The following RFFL variants were observed in gnomAD, a reference collection of about 807,000 sequenced individuals.
The protein encoded by RFFL is ring finger and FYVE like domain containing E3 ubiquitin protein ligase, also known as E3 ubiquitin-protein ligase rififylin.
A neutral mutation model predicts 40.4 loss-of-function variants in RFFL; 16 were observed. The ratio of observed to expected loss-of-function variants is 0.40; its 90% CI spans 0.27 to 0.60. The LOEUF (loss-of-function observed/expected upper bound fraction) is 0.60, where lower values mean the gene tolerates loss of function less well. Among genes scored for constraint, RFFL ranks in the 20% least tolerant of loss-of-function variants. RFFL has a pLI of 0.47. For synonymous variants in RFFL, 154 were observed against 167.9 expected (o/e 0.92, Z 0.64); for missense variants, 367 against 451.7 (o/e 0.81, Z 1.70).
At chr17:35,045,423 G>A (rs1353341478) in intron 1 of RFFL, among the ~76,000 whole-genome samples, 3 of 151,482 alleles carry the variant, frequency 2.0e-5, no homozygotes, top group Non-Finnish European at 4.4e-5. Flanking sequence ...TAGTAGAGAT[G>A]GGGTTTTACT....
chr17:35,047,488 A>T (rs1485995642), intron 1 of RFFL, among the ~76,000 whole-genome samples: 1 of 152,240 alleles, frequency 6.6e-6, no homozygotes, highest in Non-Finnish European at 1.5e-5. Context: ...GTTCAACAGA[A>T]ATTGGCTGTA....
At chr17:35,053,049 T>A (rs188622138) in intron 1 of RFFL, among the ~76,000 whole-genome samples, 96 of 152,262 alleles carry the variant, frequency 6.3e-4, no homozygotes, top group Non-Finnish European at 1.3e-4. Context: ...GAGCCATGTC[T>A]AAATTGGATA....
In RFFL at chr17:35,069,450, GC is replaced by G. The variant is rs755217179; in HGVS notation, c.-9+19654del. On this transcript the variant is annotated intron_variant, in intron 1 of 6. Coordinates refer to the RFFL transcript ENST00000315249. ...AGAAATAAAAGGATACGACTGCACA[GC>G]TTGAATGTCCCATCAAGGTAATCAA... The G allele has an allele frequency of 1.0e-3, 393 of 391,814 alleles. 1 individual carries two copies. The highest frequency in any genetic ancestry group is 1.7e-3 in the Non-Finnish European group (343 of 196,784). The allele number at this position is 391,814 out of a possible 1,614,324, so 24.3% of individuals were successfully genotyped here.
chr17:35,071,340 C>T lies in RFFL; in HGVS notation c.-9+17765G>A, dbSNP rs536086226. On this transcript the variant is annotated intron_variant, in intron 1 of 6. Transcript: ENST00000315249. ...GGAAAAGAATTTAGCAATTTTGGCC[C>T]GGTGCGGTGGCTCACCCCTGTCATG... 3.6e-4 allele frequency among the ~76,000 whole-genome samples: 55 copies of T among 151,916 alleles called. 1 individual carries two copies. Among genetic ancestry groups the T allele is most frequent in the African/African-American group, 5.8e-4 (24 of 41,436 alleles).
At chr17:35,086,554 A>G (rs1470884169) in intron 1 of RFFL, among the ~76,000 whole-genome samples, 8 of 152,168 alleles carry the variant, frequency 5.3e-5, no homozygotes, top group African/African-American at 1.9e-4. Flanking sequence ...AACCATTACC[A>G]ATAACCAGAA....
chr17:35,018,950 C>CT (rs1222721015), intron 3 of RFFL: 1 of 152,246 alleles, frequency 6.6e-6, no homozygotes, highest in Non-Finnish European at 1.5e-5. Flanking sequence ...ATGCTCTTGT[C>CT]TTTCCAGTTT....
At chr17:35,059,839 T>G (rs2091281738) in intron 1 of RFFL, among the ~76,000 whole-genome samples, 3 of 152,218 alleles carry the variant, frequency 2.0e-5, no homozygotes, top group African/African-American at 4.8e-5. Context: ...TTTTTAAAAC[T>G]TATAATGATA....
chr17:35,030,173 G>A (rs1205837545), intron 1 of RFFL, among the ~76,000 whole-genome samples: 5 of 149,572 alleles, frequency 3.3e-5, no homozygotes, highest in African/African-American at 1.2e-4. Context: ...TGTCTTTATA[G>A]CAGCATGATT....
intron 1 of RFFL, among the ~76,000 whole-genome samples, chr17:35,076,178 G>A (rs962090100): frequency 4.0e-5 from 6 of 151,354 alleles, no homozygotes; most frequent in Non-Finnish European, 7.4e-5. Context: ...ATTTTTAGTA[G>A]AGATGGAGTT....
chr17:35,049,143 C>CA (rs2091217255), intron 1 of RFFL, among the ~76,000 whole-genome samples: 1 of 152,258 alleles, frequency 6.6e-6, no homozygotes, highest in East Asian at 1.9e-4. Context: ...AGAAAAAAGA[C>CA]ACCTGTGCTG....
At chr17:35,080,444 T>C (rs2091398344) in intron 1 of RFFL, among the ~76,000 whole-genome samples, 2 of 152,180 alleles carry the variant, frequency 1.3e-5, no homozygotes, top group Admixed American at 1.3e-4. Context: ...CAATTGCCAC[T>C]AAGACTATAT....
chr17:35,035,593 CAA>C (rs1357205678), intron 1 of RFFL, among the ~76,000 whole-genome samples: 1 of 151,220 alleles, frequency 6.6e-6, no homozygotes, highest in Non-Finnish European at 1.5e-5. Context: ...ACAGGTTTGC[CAA>C]AGTCAGCCGA....
At chr17:35,084,488 G>A (rs1431108577) in intron 1 of RFFL, among the ~76,000 whole-genome samples, 1 of 152,086 alleles carries the variant, frequency 6.6e-6, no homozygotes, top group African/African-American at 2.4e-5. Flanking sequence ...CAGCTACTTG[G>A]GTGGCTGAGG....
chr17:35,024,956 T>C (rs2091032115), intron 2 of RFFL, among the ~76,000 whole-genome samples: 1 of 152,182 alleles, frequency 6.6e-6, no homozygotes, highest in African/African-American at 2.4e-5. Context: ...AATAACCATC[T>C]TTTACCATCC....
chr17:35,076,628 A>G (rs779203498), intron 1 of RFFL: 24 of 151,012 alleles, frequency 1.6e-4, no homozygotes, highest in Admixed American at 9.9e-4. Context: ...CGGTGAGCCA[A>G]GATCGCACGA....
At chr17:35,035,485 A>G (rs2091115092) in intron 1 of RFFL, among the ~76,000 whole-genome samples, 1 of 151,746 alleles carries the variant, frequency 6.6e-6, no homozygotes, top group Non-Finnish European at 1.5e-5. Context: ...TTATGCTAGG[A>G]ATATACATAT....
intron 1 of RFFL, among the ~76,000 whole-genome samples, chr17:35,041,035 C>T (rs868353374): frequency 2.0e-5 from 3 of 151,616 alleles, no homozygotes; most frequent in South Asian, 2.1e-4. Context: ...TGAGCTACCA[C>T]GACCAGCCTT....
At chr17:35,029,951 T>G (rs2091071621) in intron 1 of RFFL, among the ~76,000 whole-genome samples, 4 of 151,090 alleles carry the variant, frequency 2.6e-5, no homozygotes, top group Non-Finnish European at 5.9e-5. Flanking sequence ...GTTTGGTTTT[T>G]TGTCCTTGCA....
At chr17:35,067,999 T>G (rs1386370674), upstream of RFFL, among the ~76,000 whole-genome samples, 1 of 152,204 alleles carries the variant, frequency 6.6e-6, no homozygotes, top group Non-Finnish European at 1.5e-5. Flanking sequence ...TCAGAGACAA[T>G]TATCCTAACT....
Sources: gnomAD v4.1 joint callset for allele counts (sites outside exome capture counted in the v4.1 genomes callset) on GRCh38, gnomAD v4.1.1 for gene constraint, MANE v1.5 for transcripts, NCBI Gene and HGNC (gene_info 2026-07-23, HGNC 2026-07-21) for gene names.